Variants in PCDH9 observed in about 807,000 individuals in gnomAD.
PCDH9 encodes the protein protocadherin 9.
A neutral mutation model predicts 70.6 loss-of-function variants in PCDH9; 24 were observed. That is an observed-to-expected ratio of 0.34 (90% confidence interval 0.25 to 0.48). The LOEUF (loss-of-function observed/expected upper bound fraction) is 0.48. Ranked by LOEUF, PCDH9 falls within the 20% of genes least tolerant of loss-of-function variation. The probability of loss-of-function intolerance (pLI) is 0.99; values close to 1 mark genes in which losing one functional copy is unlikely to be tolerated. For missense variants in PCDH9, 1,281 were observed against 1,503.6 expected, an observed-to-expected ratio of 0.85 and a Z score of 2.45; for synonymous variants, 562 against 558.5, an observed-to-expected ratio of 1.01 and a Z score of -0.09.
At chr13:67,189,207 C>CATGTGT (rs71211559) in intron 2 of PCDH9, among the ~76,000 whole-genome samples, 1 of 149,494 alleles carries the variant, frequency 6.7e-6, no homozygotes, top group African/African-American at 2.5e-5. Flanking sequence ...TACATATATA[C>CATGTGT]GTGTGTGTGT....
At chr13:66,518,269 C>T (rs762768463) in intron 4 of PCDH9, among the ~76,000 whole-genome samples, 2 of 152,048 alleles carry the variant, frequency 1.3e-5, no homozygotes, top group Non-Finnish European at 2.9e-5. Context: ...GAGGATGGTG[C>T]TAAGCCATTC....
intron 4 of PCDH9, among the ~76,000 whole-genome samples, chr13:66,469,539 A>G (rs778538049): frequency 6.6e-6 from 1 of 152,064 alleles, no homozygotes; most frequent in Non-Finnish European, 1.5e-5. Context: ...AATTGTAACC[A>G]AATGCTGCAA....
chr13:66,562,024 A>G (rs1192524267), intron 4 of PCDH9, among the ~76,000 whole-genome samples: 1 of 152,076 alleles, frequency 6.6e-6, no homozygotes. Context: ...CAAACCCACC[A>G]GAAGGAAGAA....
intron 2 of PCDH9, among the ~76,000 whole-genome samples, chr13:67,025,935 G>A (rs2084771957): frequency 1.3e-5 from 2 of 152,120 alleles, no homozygotes. Context: ...CTATGTAGCT[G>A]ATTTGGGGCC....
In PCDH9 at chr13:66,411,645, G is replaced by GGATAGATAGATA. The variant is rs57986608; in HGVS notation, c.3341-106629_3341-106618dup. 4.9e-3 allele frequency among the ~76,000 whole-genome samples: 742 copies of GGATAGATAGATA among 151,020 alleles called. 4 individuals are homozygous for GGATAGATAGATA. The highest frequency in any genetic ancestry group is 0.018 in the African/African-American group (719 of 40,996). Reference sequence around the variant, plus strand: ...GAAGATAGACAGATATATAGATGATGGATAGATAGATAGATAGATAGATAG... The same window carrying GGATAGATAGATA: ...GAAGATAGACAGATATATAGATGATGGATAGATAGATAGATAGATAGATAGATAGATAGATAG... On this transcript the variant is annotated intron_variant, in intron 4 of 4. Coordinates refer to ENST00000377865, the MANE Select transcript of PCDH9 (RefSeq NM_203487.3).
chr13:66,380,794 C>T (rs1476568858), intron 4 of PCDH9, among the ~76,000 whole-genome samples: 11 of 152,144 alleles, frequency 7.2e-5, no homozygotes, highest in African/African-American at 1.9e-4. Flanking sequence ...CCACCCGCCT[C>T]GGCCTCCCAG....
intron 4 of PCDH9, among the ~76,000 whole-genome samples, chr13:66,463,859 A>T (rs1484808311): frequency 3.3e-5 from 5 of 151,890 alleles, no homozygotes; most frequent in South Asian, 2.1e-4. Flanking sequence ...GTTTTACCAG[A>T]CATTGGCTTG....
At chr13:67,050,691 C>G (rs1479511504) in intron 2 of PCDH9, among the ~76,000 whole-genome samples, 1 of 152,156 alleles carries the variant, frequency 6.6e-6, no homozygotes, top group African/African-American at 2.4e-5. Context: ...GTGACTCTGT[C>G]TAGCGTAAGA....
chr13:66,721,811 A>G (rs2078944744), intron 3 of PCDH9, among the ~76,000 whole-genome samples: 1 of 152,140 alleles, frequency 6.6e-6, no homozygotes, highest in Admixed American at 6.5e-5. Flanking sequence ...TGAATCCTGT[A>G]TCTTTCTTTG....
intron 2 of PCDH9, among the ~76,000 whole-genome samples, chr13:67,145,956 A>G (rs1486800711): frequency 1.3e-5 from 2 of 152,122 alleles, no homozygotes; most frequent in Non-Finnish European, 2.9e-5. Flanking sequence ...GGGTCTTAAT[A>G]TCTATAATCA....
chr13:67,043,073 C>T (rs1219080357), intron 2 of PCDH9, among the ~76,000 whole-genome samples: 1 of 152,070 alleles, frequency 6.6e-6, no homozygotes, highest in African/African-American at 2.4e-5. Context: ...ATTCATACAG[C>T]AATAACCTAG....
intron 3 of PCDH9, among the ~76,000 whole-genome samples, chr13:66,716,993 G>C (rs2078873088): frequency 6.6e-6 from 1 of 152,078 alleles, no homozygotes; most frequent in Non-Finnish European, 1.5e-5. Flanking sequence ...GGTTAAATAT[G>C]GTGGTCCTAG....
chr13:66,369,369 A>C (rs1483981769), intron 4 of PCDH9, among the ~76,000 whole-genome samples: 1 of 152,164 alleles, frequency 6.6e-6, no homozygotes, highest in African/African-American at 2.4e-5. Context: ...TCCTATAGTT[A>C]GTTTATGACA....
chr13:66,360,632 G>T (rs951433419), intron 4 of PCDH9, among the ~76,000 whole-genome samples: 1 of 152,048 alleles, frequency 6.6e-6, no homozygotes, highest in Non-Finnish European at 1.5e-5. Flanking sequence ...AACAAATGTG[G>T]CTTGAGTCTA....
At chr13:67,081,823 AGACT>A (rs1276007526) in intron 2 of PCDH9, among the ~76,000 whole-genome samples, 2 of 152,022 alleles carry the variant, frequency 1.3e-5, no homozygotes, top group Non-Finnish European at 2.9e-5. Context: ...TATTTCCTAG[AGACT>A]GACTGGCAAA....
intron 2 of PCDH9, among the ~76,000 whole-genome samples, chr13:67,019,905 A>C (rs2084641731): frequency 6.6e-6 from 1 of 152,208 alleles, no homozygotes; most frequent in Admixed American, 6.5e-5. Context: ...GACTGTCTGG[A>C]TGAATCTGGA....
chr13:66,950,730 T>C (rs1303555758), intron 2 of PCDH9, among the ~76,000 whole-genome samples: 1 of 152,128 alleles, frequency 6.6e-6, no homozygotes, highest in East Asian at 1.9e-4. Context: ...TGCCAGGACC[T>C]TGACAAAACA....
Position 67,213,357 on chromosome 13 carries a change from A to C in PCDH9, c.3036+12048T>G, listed in dbSNP as rs1420790511. The C allele has an allele frequency of 5.9e-5, 9 of 152,072 alleles. 1 individual carries two copies. The East Asian group carries it at 1.7e-3, about 29-fold the overall frequency. 9.4% of individuals were successfully genotyped at this position (152,072 alleles called of 1,614,324 possible). A position where few individuals can be genotyped will look rare whatever the true frequency, so the allele number is the denominator to read the frequency against. On this transcript the variant is annotated intron_variant, in intron 2 of 4. Coordinates refer to ENST00000377865, the MANE Select transcript of PCDH9 (RefSeq NM_203487.3). ...CGCTTCATACAGTATACATGTATAC[A>C]TACTTGATGCCATGAGAATGCTAAA...
intron 2 of PCDH9, among the ~76,000 whole-genome samples, chr13:67,133,388 A>G (rs1488358128): frequency 1.3e-5 from 2 of 152,146 alleles, no homozygotes; most frequent in African/African-American, 4.8e-5. Context: ...TCCTTTAAAA[A>G]TTGTGAATTT....
Sources: allele counts gnomAD v4.1 joint callset (sites outside exome capture counted in the v4.1 genomes callset), GRCh38; gene constraint gnomAD v4.1.1; transcripts MANE v1.5; gene names NCBI Gene and HGNC (gene_info 2026-07-23, HGNC 2026-07-21).